Variants in KIAA0232 observed in about 807,000 individuals in gnomAD.
The protein encoded by KIAA0232 is KIAA0232.
Under a neutral mutation model 122.0 loss-of-function variants are expected in KIAA0232, and 27 were observed. The ratio of observed to expected loss-of-function variants is 0.22; its 90% CI spans 0.16 to 0.31. The LOEUF is 0.31. KIAA0232 is among the 10% of genes least tolerant of loss of function. KIAA0232 has a pLI of 1.00. For missense variants in KIAA0232, 1,551 were observed against 1,634.2 expected, an observed-to-expected ratio of 0.95 and a Z score of 0.88; for synonymous variants, 613 against 587.6, an observed-to-expected ratio of 1.04 and a Z score of -0.63.
intron 2 of KIAA0232, among the ~76,000 whole-genome samples, chr4:6,819,544 C>T (rs1472113070): frequency 6.6e-6 from 1 of 152,106 alleles, no homozygotes; most frequent in African/African-American, 2.4e-5. Context: ...CAAATCAAAA[C>T]CACAATGAGT....
intron 2 of KIAA0232, among the ~76,000 whole-genome samples, chr4:6,809,144 T>C (rs1162089439): frequency 6.6e-6 from 1 of 152,218 alleles, no homozygotes; most frequent in African/African-American, 2.4e-5. Context: ...GTGTCTGTGC[T>C]TTCTGAAACT....
intron 3 of KIAA0232, among the ~76,000 whole-genome samples, chr4:6,826,437 A>G (rs1035483322): frequency 1.9e-4 from 29 of 152,126 alleles, no homozygotes; most frequent in Admixed American, 1.2e-3. Flanking sequence ...TCCAGAAATG[A>G]GGAAAATATT....
chr4:6,806,017 A>G (rs978950786), intron 2 of KIAA0232, among the ~76,000 whole-genome samples: 5 of 152,136 alleles, frequency 3.3e-5, no homozygotes, highest in African/African-American at 1.2e-4. Flanking sequence ...TTTGCAAGGA[A>G]GGAGGAGGAT....
chr4:6,871,109 A>G (rs1473121542), intron 7 of KIAA0232, among the ~76,000 whole-genome samples: 1 of 152,214 alleles, frequency 6.6e-6, no homozygotes, highest in African/African-American at 2.4e-5. Context: ...GCTGGCTTTT[A>G]AAATGCACTT....
chr4:6,853,690 C>CT (rs1356405841), intron 4 of KIAA0232, among the ~76,000 whole-genome samples: 1 of 152,146 alleles, frequency 6.6e-6, no homozygotes, highest in East Asian at 1.9e-4. Context: ...GCACAGAAAC[C>CT]TTTGAGTATG....
chr4:6,795,164 G>A (rs947397393), intron 1 of KIAA0232, among the ~76,000 whole-genome samples: 1 of 152,084 alleles, frequency 6.6e-6, no homozygotes, highest in East Asian at 1.9e-4. Context: ...TCCGCCTTCC[G>A]GGTTCATGCC....
At position 6,880,813 on chromosome 4, in the gene KIAA0232, T is replaced by C. The variant is rs1290213694; in HGVS notation, c.4035T>C (p.Cys1345=). The C allele has an allele frequency of 6.3e-7, 1 of 1,587,718 alleles. No individual in the cohort carries two copies. Among genetic ancestry groups the C allele is most frequent in the South Asian group, 1.2e-5 (1 of 86,476 alleles). The change falls in exon 10 of 10, where the codon TGT becomes TGC. Residue 1345 remains cysteine (C), a synonymous_variant. Coordinates refer to ENST00000307659, the MANE Select transcript of KIAA0232 (RefSeq NM_014743.3). Reference sequence around the variant, plus strand: ...TGTCTTCTGTTTATGAAGCAAGATGTACAGGAGAGAGAGATTCTGGAGCAA... The same window carrying C: ...TGTCTTCTGTTTATGAAGCAAGATGCACAGGAGAGAGAGATTCTGGAGCAA... ...NRVSSVYEAR[C]TGERDSGAKS... is the part of the protein sequence containing the mutation.
chr4:6,805,392 C>T (rs1417665742), intron 2 of KIAA0232, among the ~76,000 whole-genome samples: 1 of 152,122 alleles, frequency 6.6e-6, no homozygotes, highest in African/African-American at 2.4e-5. Flanking sequence ...TCCATATAAA[C>T]TTTTCATATA....
chr4:6,846,409 T>G (rs1719969525), intron 4 of KIAA0232, among the ~76,000 whole-genome samples: 2 of 152,132 alleles, frequency 1.3e-5, no homozygotes, highest in African/African-American at 4.8e-5. Context: ...CCGCCTGAGC[T>G]CCGCCTCAGA....
chr4:6,876,758 G>A lies in KIAA0232; in HGVS notation c.4008+1G>A. ...AGAGCGCCTGTTAGATTTTAATAGG[G>A]TAAGTGGACTGTCCTCCTCCTCGTC... On this transcript the variant is annotated splice_donor_variant, in intron 9 of 9. Transcript: ENST00000307659. LOFTEE classifies it high-confidence loss of function. 1 of 1,584,806 alleles carries A rather than the reference G, an allele frequency of 6.3e-7. No homozygotes were observed. The highest frequency in any genetic ancestry group is 8.7e-7 in the Non-Finnish European group (1 of 1,153,390).
chr4:6,864,737 CAAAAAAAAAAA>C (rs59573520), intron 7 of KIAA0232, among the ~76,000 whole-genome samples: 1 of 70,312 alleles, frequency 1.4e-5, no homozygotes, highest in Non-Finnish European at 2.6e-5. Flanking sequence ...GACTCCATCT[CAAAAAAAAAAA>C]AAAAAAAAAA....
At chr4:6,808,309 A>G (rs1363742505) in intron 2 of KIAA0232, among the ~76,000 whole-genome samples, 1 of 151,388 alleles carries the variant, frequency 6.6e-6, no homozygotes, top group Admixed American at 6.6e-5. Context: ...TCTTTTCCTT[A>G]TGTGAAAGTC....
intron 9 of KIAA0232, among the ~76,000 whole-genome samples, chr4:6,878,628 T>C (rs1721886648): frequency 6.6e-6 from 1 of 152,200 alleles, no homozygotes; most frequent in South Asian, 2.1e-4. Context: ...GTATTCCCTT[T>C]GCCTTCAGCA....
chr4:6,822,209 A>C (rs531147524), intron 2 of KIAA0232, among the ~76,000 whole-genome samples: 21 of 152,312 alleles, frequency 1.4e-4, no homozygotes, highest in African/African-American at 5.0e-4. Context: ...CAGCTGGTGA[A>C]AGTTACAGAA....
chr4:6,839,616 T>G (rs1271314566), intron 3 of KIAA0232, among the ~76,000 whole-genome samples: 1 of 151,928 alleles, frequency 6.6e-6, no homozygotes, highest in Non-Finnish European at 1.5e-5. Flanking sequence ...GACACAGAAA[T>G]AGGAGGGGCC....
chr4:6,792,018 C>G (rs970541052), intron 1 of KIAA0232, among the ~76,000 whole-genome samples: 1 of 152,134 alleles, frequency 6.6e-6, no homozygotes, highest in Admixed American at 6.5e-5. Flanking sequence ...TTGACTGTCA[C>G]CATCCATGTA....
Position 6,879,999 on chromosome 4 carries a change from G to C in KIAA0232, c.4009-788G>C, listed in dbSNP as rs867611674. Among the ~76,000 whole-genome samples the C allele has an allele frequency of 3.2e-4, 20 of 61,650 alleles. 2 individuals are homozygous for C. The highest frequency in any genetic ancestry group is 1.4e-3 in the East Asian group (2 of 1,386). 40.4% of individuals were successfully genotyped at this position (61,650 alleles called of 152,430 possible). On this transcript the variant is annotated intron_variant, in intron 9 of 9. Coordinates refer to ENST00000307659, the MANE Select transcript of KIAA0232 (RefSeq NM_014743.3). Reference sequence around the variant, plus strand: ...CTGCAAACTCCCTTCCCAACACACAGGTCTGTAGTGTCGCCTCACCATCTG... The same window carrying C: ...CTGCAAACTCCCTTCCCAACACACACGTCTGTAGTGTCGCCTCACCATCTG...
At chr4:6,791,050 C>G (rs1304215617) in intron 1 of KIAA0232, among the ~76,000 whole-genome samples, 2 of 150,588 alleles carry the variant, frequency 1.3e-5, no homozygotes, top group African/African-American at 4.9e-5. Context: ...TCCTGAGTAC[C>G]TGGGACTACA....
chr4:6,785,971 T>C (rs1018853266), intron 1 of KIAA0232, among the ~76,000 whole-genome samples: 2 of 152,236 alleles, frequency 1.3e-5, no homozygotes, highest in African/African-American at 2.4e-5. Context: ...AAAGTTCATA[T>C]CAAATATTCT....
Sources: gnomAD v4.1 joint callset for allele counts (sites outside exome capture counted in the v4.1 genomes callset) on GRCh38, gnomAD v4.1.1 for gene constraint, MANE v1.5 for transcripts, NCBI Gene and HGNC (gene_info 2026-07-23, HGNC 2026-07-21) for gene names.